ATP8B1: variants seen among roughly 807,000 people sequenced by gnomAD.
ATP8B1 encodes phospholipid-transporting ATPase IC.
In ATP8B1, 80 loss-of-function variants were observed where a neutral mutation model predicts 149.9. The observed-to-expected ratio is 0.53, with a 90% confidence interval of 0.45 to 0.64. The LOEUF is 0.64. Among genes scored for constraint, ATP8B1 ranks in the 30% least tolerant of loss-of-function variants. The pLI, the probability that ATP8B1 is intolerant of heterozygous loss-of-function variation, is 0.00. For synonymous variants in ATP8B1, 536 were observed against 562.8 expected (o/e 0.95, Z 0.67); for missense variants, 1,247 against 1,552.6 (o/e 0.80, Z 3.31).
intron 1 of ATP8B1, among the ~76,000 whole-genome samples, chr18:57,733,101 A>T (rs2079805894): frequency 6.6e-6 from 1 of 152,176 alleles, no homozygotes; most frequent in Admixed American, 6.5e-5. Flanking sequence ...ATGACCCCAT[A>T]CAAGTGAGAA....
At chr18:57,723,167 C>T (rs2079666119) in intron 2 of ATP8B1, among the ~76,000 whole-genome samples, 1 of 149,342 alleles carries the variant, frequency 6.7e-6, no homozygotes, top group Non-Finnish European at 1.5e-5. Context: ...AAACTGGAAG[C>T]ATTCCCTTTG....
rs1037914156 is a variant in ATP8B1 at position 57,723,207 on chromosome 18, C to G, written c.181+8420G>C. Among the ~76,000 whole-genome samples, 45 of 144,908 alleles carry G rather than the reference C, an allele frequency of 3.1e-4. 1 individual carries two copies. Among genetic ancestry groups the G allele is most frequent in the Middle Eastern group, 3.5e-3 (1 of 284 alleles). ...CTGGCACAAGTCAGGGATGCCCTCT[C>G]TCACCACTCCTATTCAACATAGTGT... On this transcript the variant is annotated intron_variant, in intron 2 of 27. Coordinates refer to ENST00000648908, the MANE Select transcript of ATP8B1 (RefSeq NM_001374385.1).
intron 22 of ATP8B1, among the ~76,000 whole-genome samples, chr18:57,660,199 C>T (rs531883954): frequency 1.2e-3 from 186 of 152,112 alleles, no homozygotes; most frequent in Non-Finnish European, 2.4e-3. Context: ...GCTTTAATAC[C>T]AGCACAACTG....
At position 57,697,551 on chromosome 18, in the gene ATP8B1, C is replaced by T. The variant is rs1261079327; in HGVS notation, c.698+67G>A. ...TCAAGCCGTCTGGTCCACAATGCCC[C>T]GATTTCAGTGGAATGAATGTGCCTT... is the stretch of plus-strand genomic sequence containing the variant. On this transcript the variant is annotated intron_variant, in intron 8 of 27. Transcript: ENST00000648908. 6.5e-6 allele frequency: 10 copies of T among 1,545,230 alleles called. No homozygotes were observed. The Admixed American group carries it at 6.7e-5, about 10-fold the overall frequency.
intron 1 of ATP8B1, among the ~76,000 whole-genome samples, chr18:57,778,311 C>T (rs1392184563): frequency 6.6e-6 from 1 of 150,954 alleles, no homozygotes; most frequent in African/African-American, 2.4e-5. Flanking sequence ...CTGCAAGCTC[C>T]GCCTTCCAGG....
At chr18:57,765,038 A>G (rs1446532221) in intron 1 of ATP8B1, among the ~76,000 whole-genome samples, 1 of 152,236 alleles carries the variant, frequency 6.6e-6, no homozygotes, top group African/African-American at 2.4e-5. Context: ...GGTAGAAACA[A>G]TCCAAATGCT....
intron 2 of ATP8B1, among the ~76,000 whole-genome samples, chr18:57,721,794 A>AT (rs1208864412): frequency 5.8e-5 from 5 of 86,576 alleles, no homozygotes; most frequent in Admixed American, 1.4e-4. Flanking sequence ...CAGAATATAC[A>AT]TTTTTTTCAG....
chr18:57,775,936 G>A (rs993614832), intron 1 of ATP8B1, among the ~76,000 whole-genome samples: 4 of 152,104 alleles, frequency 2.6e-5, no homozygotes, highest in Admixed American at 6.6e-5. Context: ...GAGCTGCTGC[G>A]CCCAGCCTAG....
intron 1 of ATP8B1, among the ~76,000 whole-genome samples, chr18:57,746,624 T>A (rs148320688): frequency 6.6e-6 from 1 of 151,854 alleles, no homozygotes; most frequent in Non-Finnish European, 1.5e-5. Flanking sequence ...TACAGGTCTA[T>A]GTCACCAAGC....
intron 2 of ATP8B1, among the ~76,000 whole-genome samples, chr18:57,721,720 T>C (rs2079648507): frequency 9.6e-6 from 1 of 104,424 alleles, no homozygotes; most frequent in Non-Finnish European, 1.9e-5. Flanking sequence ...TACCCAGGAA[T>C]TGAACTCAGC....
At chr18:57,786,876 G>C (rs1156492233) in intron 1 of ATP8B1, among the ~76,000 whole-genome samples, 3 of 152,310 alleles carry the variant, frequency 2.0e-5, no homozygotes, top group South Asian at 2.1e-4. Context: ...AAAAATTAAG[G>C]TTTGCTTGAA....
intron 1 of ATP8B1, among the ~76,000 whole-genome samples, chr18:57,776,767 A>G (rs1211438381): frequency 6.6e-6 from 1 of 152,110 alleles, no homozygotes; most frequent in Admixed American, 6.6e-5. Flanking sequence ...CTAGAAAATA[A>G]TAGGAGAAAA....
chr18:57,798,760 G>A lies in ATP8B1; in HGVS notation c.-26+4238C>T, dbSNP rs542688935. Among the ~76,000 whole-genome samples, 40 of 152,266 alleles carry A rather than the reference G, an allele frequency of 2.6e-4. No individual in the cohort carries two copies. The South Asian group carries it at 4.6e-3, about 17-fold the overall frequency. ...TGAGACAGCAACCAGGCCCCCTCACGAGTTCTCCTGCAAGGTTAAGAGGCA... is the reference window on the plus strand; with the variant it reads ...TGAGACAGCAACCAGGCCCCCTCACAAGTTCTCCTGCAAGGTTAAGAGGCA... On this transcript the variant is annotated intron_variant, in intron 1 of 27. Coordinates refer to ENST00000648908, the MANE Select transcript of ATP8B1 (RefSeq NM_001374385.1).
chr18:57,725,097 G>C (rs2079693401), intron 2 of ATP8B1, among the ~76,000 whole-genome samples: 1 of 104,702 alleles, frequency 9.6e-6, no homozygotes. Flanking sequence ...TCTGGGGACT[G>C]TGGTGGGGTG....
chr18:57,668,150 G>T, intron 19 of ATP8B1: 1 of 1,375,062 alleles, frequency 7.3e-7, no homozygotes, highest in Non-Finnish European at 9.6e-7. Flanking sequence ...TTCAGGACGG[G>T]AACCCACGTC....
intron 1 of ATP8B1, among the ~76,000 whole-genome samples, chr18:57,781,238 G>C (rs1264005285): frequency 1.3e-5 from 2 of 152,206 alleles, no homozygotes; most frequent in African/African-American, 4.8e-5. Flanking sequence ...CAGAAGTTGG[G>C]ACTGAGTTCC....
At chr18:57,677,387 C>T (rs1279332864) in intron 15 of ATP8B1, among the ~76,000 whole-genome samples, 1 of 152,132 alleles carries the variant, frequency 6.6e-6, no homozygotes, top group Non-Finnish European at 1.5e-5. Flanking sequence ...GTTATTTTGT[C>T]TCAAAATAGA....
chr18:57,709,697 T>A (rs892612082), intron 2 of ATP8B1, among the ~76,000 whole-genome samples: 4 of 150,394 alleles, frequency 2.7e-5, no homozygotes, highest in Non-Finnish European at 4.5e-5. Context: ...TTTTTTTTTG[T>A]TTGAGACAGT....
At chr18:57,688,253 C>T in intron 13 of ATP8B1, 46 bp downstream of exon 13, 1 of 1,580,704 alleles carries the variant, frequency 6.3e-7, no homozygotes, top group Non-Finnish European at 8.7e-7. Context: ...CTGCACACGG[C>T]AGGCAGCCCC....
Sources: allele counts gnomAD v4.1 joint callset (sites outside exome capture counted in the v4.1 genomes callset), GRCh38; gene constraint gnomAD v4.1.1; transcripts MANE v1.5; gene names NCBI Gene and HGNC (gene_info 2026-07-23, HGNC 2026-07-21).